Variants in RUNX2 observed in about 807,000 individuals in gnomAD.
RUNX2 encodes runt-related transcription factor 2.
A neutral mutation model predicts 51.7 loss-of-function variants in RUNX2; 10 were observed. That is an observed-to-expected ratio of 0.19 (90% CI 0.12 to 0.33). The LOEUF (loss-of-function observed/expected upper bound fraction) is 0.33, where lower values mean the gene tolerates loss of function less well. Among genes scored for constraint, RUNX2 ranks in the 10% least tolerant of loss-of-function variants. RUNX2 has a pLI of 1.00. For synonymous variants in RUNX2, 276 were observed against 273.6 expected, an observed-to-expected ratio of 1.01 and a Z score of -0.09; for missense variants, 562 against 691.3, an observed-to-expected ratio of 0.81 and a Z score of 2.10.
intron 5 of RUNX2, among the ~76,000 whole-genome samples, chr6:45,473,302 C>T (rs924090773): frequency 1.3e-5 from 2 of 148,714 alleles, no homozygotes; most frequent in Admixed American, 6.7e-5. Flanking sequence ...GAAGTAATTT[C>T]CCAGCAGTGC....
intron 5 of RUNX2, among the ~76,000 whole-genome samples, chr6:45,443,671 A>G (rs1463486025): frequency 2.6e-5 from 4 of 152,224 alleles, no homozygotes; most frequent in Non-Finnish European, 5.9e-5. Flanking sequence ...GTCATTCTGA[A>G]TTGAACAGAT....
intron 7 of RUNX2, among the ~76,000 whole-genome samples, chr6:45,532,905 C>CTT (rs10706582): frequency 3.6e-4 from 45 of 125,844 alleles, no homozygotes; most frequent in Non-Finnish European, 5.5e-4. Flanking sequence ...AGACCGGGCT[C>CTT]TTTTTTTTTT....
intron 6 of RUNX2, among the ~76,000 whole-genome samples, chr6:45,500,885 A>T (rs1390576812): frequency 6.6e-6 from 1 of 152,212 alleles, no homozygotes; most frequent in African/African-American, 2.4e-5. Flanking sequence ...CCAGTTTCCC[A>T]TGTGGGGGAA....
chr6:45,366,275 G>C (rs1266175633), intron 2 of RUNX2, among the ~76,000 whole-genome samples: 3 of 152,162 alleles, frequency 2.0e-5, no homozygotes, highest in Non-Finnish European at 4.4e-5. Context: ...GCAGGTTCTG[G>C]GGTCAGACTG....
At chr6:45,403,248 T>TTTTTTTTG (rs572753634) in intron 2 of RUNX2, among the ~76,000 whole-genome samples, 13 of 144,644 alleles carry the variant, frequency 9.0e-5, no homozygotes, top group Non-Finnish European at 1.7e-4. Context: ...TTTTTTTTTT[T>TTTTTTTTG]TTGAGACGGA....
intron 6 of RUNX2, among the ~76,000 whole-genome samples, chr6:45,502,189 G>A (rs950593747): frequency 6.6e-6 from 1 of 152,090 alleles, no homozygotes; most frequent in African/African-American, 2.4e-5. Context: ...ATTTATCTTG[G>A]AGCAGAGACT....
At chr6:45,437,339 A>G (rs1013637510) in intron 4 of RUNX2, among the ~76,000 whole-genome samples, 23 of 152,282 alleles carry the variant, frequency 1.5e-4, no homozygotes, top group African/African-American at 5.5e-4. Context: ...AGGGGTGGAC[A>G]GGGAGGAGAA....
chr6:45,358,128 C>T (rs923749598), intron 2 of RUNX2, among the ~76,000 whole-genome samples: 1 of 149,496 alleles, frequency 6.7e-6, no homozygotes, highest in African/African-American at 2.6e-5. Context: ...GTGTTAAAAT[C>T]AAATATAAAA....
rs146697846 is a variant in RUNX2 at position 45,330,798 on chromosome 6, A to G, written c.58+2014A>G. On this transcript the variant is annotated intron_variant, in intron 2 of 8. Coordinates refer to ENST00000647337, the MANE Select transcript of RUNX2 (RefSeq NM_001024630.4). ...ACCTTCCCTCCCCGCCAGCCCCCAAACAGTATCTTGAAGCCTGAATAGAGA... is the reference window on the plus strand; with the variant it reads ...ACCTTCCCTCCCCGCCAGCCCCCAAGCAGTATCTTGAAGCCTGAATAGAGA... Among the ~76,000 whole-genome samples the G allele has an allele frequency of 1.6e-3, 250 of 151,904 alleles. 3 individuals carry two copies. Among genetic ancestry groups the G allele is most frequent in the African/African-American group, 5.9e-3 (244 of 41,472 alleles).
At chr6:45,544,646 T>C (rs1802338340) in intron 7 of RUNX2, among the ~76,000 whole-genome samples, 1 of 152,226 alleles carries the variant, frequency 6.6e-6, no homozygotes, top group Non-Finnish European at 1.5e-5. Flanking sequence ...ATTCTGGTTC[T>C]TCTTATATGA....
chr6:45,538,815 G>A (rs770862039), intron 7 of RUNX2, among the ~76,000 whole-genome samples: 29 of 152,086 alleles, frequency 1.9e-4, no homozygotes, highest in African/African-American at 6.0e-4. Context: ...GAGCACAGAC[G>A]TGTGCATGGG....
At chr6:45,435,647 C>T (rs966214055) in intron 4 of RUNX2, among the ~76,000 whole-genome samples, 9 of 152,138 alleles carry the variant, frequency 5.9e-5, no homozygotes, top group South Asian at 4.1e-4. Flanking sequence ...CGTGAGCCAC[C>T]GCGCCCAGCC....
chr6:45,523,523 G>A (rs1007187524), intron 7 of RUNX2, among the ~76,000 whole-genome samples: 10 of 151,878 alleles, frequency 6.6e-5, no homozygotes, highest in East Asian at 5.9e-4. Flanking sequence ...TACCCGCCTC[G>A]GCCTCCCAAA....
At chr6:45,412,687 A>C (rs1370757426) in intron 2 of RUNX2, among the ~76,000 whole-genome samples, 3 of 146,662 alleles carry the variant, frequency 2.0e-5, no homozygotes, top group African/African-American at 7.7e-5. Context: ...TTTTTTTTTT[A>C]CTCTGGTAAA....
chr6:45,545,561 A>T (rs1378197712), intron 8 of RUNX2, among the ~76,000 whole-genome samples: 5 of 152,242 alleles, frequency 3.3e-5, no homozygotes, highest in African/African-American at 1.2e-4. Flanking sequence ...CAAGGTCTGA[A>T]TAAAAATGAG....
At chr6:45,432,066 C>T (rs762835829) in intron 4 of RUNX2, 47 bp downstream of exon 4, 69 of 1,571,612 alleles carry the variant, frequency 4.4e-5, no homozygotes, top group Non-Finnish European at 5.4e-5. Context: ...GCACATTAGG[C>T]TCCTTTGATG....
chr6:45,539,676 A>G lies in RUNX2; in HGVS notation c.1022-5541A>G, dbSNP rs144787724. On this transcript the variant is annotated intron_variant, in intron 7 of 8. Transcript: ENST00000647337. ...ATAGTCTACATTTGACTTTTGAATA[A>G]TGTTTATCCATAGCATTTCTACCTC... Among the ~76,000 whole-genome samples the G allele has an allele frequency of 7.2e-5, 11 of 152,250 alleles. No homozygotes were observed. The East Asian group carries it at 2.1e-3, about 29-fold the overall frequency.
At chr6:45,466,049 C>T (rs1468046344) in intron 5 of RUNX2, among the ~76,000 whole-genome samples, 1 of 152,142 alleles carries the variant, frequency 6.6e-6, no homozygotes, top group Admixed American at 6.5e-5. Flanking sequence ...TGCAGTGGCT[C>T]ATGCCTGTAA....
chr6:45,500,788 A>G (rs535250238), intron 6 of RUNX2, among the ~76,000 whole-genome samples: 13 of 152,220 alleles, frequency 8.5e-5, no homozygotes, highest in Non-Finnish European at 1.3e-4. Flanking sequence ...GTTTGTGACT[A>G]GGAGTGGGCT....
Sources: allele counts gnomAD v4.1 joint callset (sites outside exome capture counted in the v4.1 genomes callset), GRCh38; gene constraint gnomAD v4.1.1; transcripts MANE v1.5; gene names NCBI Gene and HGNC (gene_info 2026-07-23, HGNC 2026-07-21).